Variants in ZFYVE21 observed in about 807,000 individuals in gnomAD.
ZFYVE21 encodes zinc finger FYVE-type containing 21.
In ZFYVE21, 21 loss-of-function variants were observed where a neutral mutation model predicts 29.5. The observed-to-expected ratio is 0.71, with a 90% CI of 0.50 to 1.02. The LOEUF is 1.02. ZFYVE21 is among the 50% of genes least tolerant of loss of function. ZFYVE21 has a pLI of 0.00. For missense variants in ZFYVE21, 326 were observed against 335.4 expected, an observed-to-expected ratio of 0.97 and a Z score of 0.22; for synonymous variants, 151 against 133.8, an observed-to-expected ratio of 1.13 and a Z score of -0.89.
In ZFYVE21 at chr14:103,727,776, T is replaced by G. The variant is rs1437073530; in HGVS notation, c.220T>G (p.Cys74Gly). 1.2e-6 allele frequency: 2 copies of G among 1,611,056 alleles called. No homozygotes were observed. Reference sequence around the variant, plus strand: ...CTGTCGCCGCTGCGGGAAGTGCTTCTGCGACAGGTGCTGCAGCCAGAAGGT... The same window carrying G: ...CTGTCGCCGCTGCGGGAAGTGCTTCGGCGACAGGTGCTGCAGCCAGAAGGT... ...HHCRRCGKCF[C>G]DRCCSQKVPL... The change falls in exon 3 of 7, where the codon TGC becomes GGC. Residue 74 changes from cysteine to glycine, a missense_variant. Coordinates refer to ENST00000311141, the MANE Select transcript of ZFYVE21 (RefSeq NM_024071.4).
intron 1 of ZFYVE21, chr14:103,725,003 C>A (rs1207344341): frequency 6.6e-6 from 1 of 152,270 alleles, no homozygotes; most frequent in African/African-American, 2.4e-5. Context: ...TACCGGCTTA[C>A]CAAATCCGGG....
chr14:103,731,468 G>A (rs1252895032), intron 5 of ZFYVE21: 22 of 151,548 alleles, frequency 1.5e-4, no homozygotes, highest in Admixed American at 1.2e-3. Context: ...AAATAGCTGG[G>A]CGTAGAGGTA....
At chr14:103,728,886 C>T (rs1389068071) in intron 3 of ZFYVE21, 22 bp from the exon 4 acceptor site, 14 of 1,613,288 alleles carry the variant, frequency 8.7e-6, no homozygotes, top group East Asian at 2.2e-5. Flanking sequence ...CCTGTTCTCA[C>T]GTTTGCTTTT....
intron 1 of ZFYVE21, among the ~76,000 whole-genome samples, chr14:103,721,217 C>T (rs1395413072): frequency 6.6e-6 from 1 of 152,206 alleles, no homozygotes; most frequent in East Asian, 1.9e-4. Context: ...AGCATGTCAT[C>T]TGGCAGGGTG....
intron 2 of ZFYVE21, chr14:103,727,326 G>C (rs985013618): frequency 1.6e-5 from 6 of 372,444 alleles, no homozygotes; most frequent in African/African-American, 1.3e-4. Context: ...GCTATGGGGT[G>C]GGGGTGCAGC....
intron 5 of ZFYVE21, 137 bp downstream of exon 5, chr14:103,729,319 T>A: frequency 1.2e-6 from 1 of 837,868 alleles, no homozygotes; most frequent in Non-Finnish European, 1.8e-6. Context: ...AATCTGCCTT[T>A]CCTCTTTCGC....
intron 5 of ZFYVE21, chr14:103,731,866 T>TC (rs2083979302): frequency 6.6e-6 from 1 of 152,190 alleles, no homozygotes; most frequent in Non-Finnish European, 1.5e-5. Context: ...TGGGTCTCTT[T>TC]CAACACCAGC....
Position 103,733,117 on chromosome 14 carries a change from C to A in ZFYVE21, c.*99C>A. 6.6e-7 allele frequency: 1 copy of A among 1,515,072 alleles called. No individual in the cohort carries two copies. Among genetic ancestry groups the A allele is most frequent in the African/African-American group, 1.4e-5 (1 of 72,712 alleles). 93.9% of individuals were successfully genotyped at this position (1,515,072 alleles called of 1,614,324 possible). A position where few individuals can be genotyped will look rare whatever the true frequency, so the allele number is the denominator to read the frequency against. On this transcript the variant is annotated 3_prime_UTR_variant, in exon 7 of 7. Transcript: ENST00000311141. The stretch of plus-strand genomic sequence containing the variant: ...TTGCGTACCACAGGGATTAATCCTG[C>A]TTGTGCTGGGAAATGCAACTCACTC...
At chr14:103,729,926 G>A (rs1353077702) in intron 5 of ZFYVE21, 3 of 1,477,236 alleles carry the variant, frequency 2.0e-6, no homozygotes, top group African/African-American at 1.4e-5. Context: ...TCTGTCCACG[G>A]GGTGGTCCAT....
At chr14:103,726,685 G>A (rs2083927661) in intron 1 of ZFYVE21, 107 bp from the exon 2 acceptor site, 2 of 1,380,710 alleles carry the variant, frequency 1.4e-6, no homozygotes, top group Non-Finnish European at 2.0e-6. Context: ...CTGCTTGGGT[G>A]CGTGGGGAGG....
At chr14:103,720,122 A>G (rs1595688010) in intron 1 of ZFYVE21, among the ~76,000 whole-genome samples, 1 of 151,968 alleles carries the variant, frequency 6.6e-6, no homozygotes, top group East Asian at 2.0e-4. Flanking sequence ...CCTCTCTCAC[A>G]CACCCCACCG....
At chr14:103,731,775 A>AG (rs1280421017) in intron 5 of ZFYVE21, 3 of 152,200 alleles carry the variant, frequency 2.0e-5, no homozygotes, top group Non-Finnish European at 4.4e-5. Context: ...TGTCTGATGG[A>AG]GGGGTCTCCT....
At position 103,716,118 on chromosome 14, in the gene ZFYVE21, C is replaced by T; in HGVS notation, c.138+139C>T. On this transcript the variant is annotated intron_variant, in intron 1 of 6. Transcript: ENST00000311141. The surrounding 1 kb of genome is among the most constrained non-coding windows in gnomAD (Gnocchi z 4.8). ...CAGCCGGCCCCCGCCCCCGCTCTCTCCCAGGTTGGCCGCGTCCCCGGGCCG... is the reference window on the plus strand; with the variant it reads ...CAGCCGGCCCCCGCCCCCGCTCTCTTCCAGGTTGGCCGCGTCCCCGGGCCG... The T allele has an allele frequency of 2.3e-6, 2 of 887,522 alleles. No homozygotes were observed. Among genetic ancestry groups the T allele is most frequent in the Non-Finnish European group, 2.8e-6 (2 of 707,414 alleles). The allele number at this position is 887,522 out of a possible 1,614,324, so 55.0% of individuals were successfully genotyped here. A position where few individuals can be genotyped will look rare whatever the true frequency, so the allele number is the denominator to read the frequency against.
chr14:103,730,159 T>C, intron 5 of ZFYVE21: 2 of 360,122 alleles, frequency 5.6e-6, no homozygotes, highest in Non-Finnish European at 1.0e-5. Flanking sequence ...TCACCTGCCC[T>C]TGGGAGCCTC....
chr14:103,726,907 G>C, intron 2 of ZFYVE21, 65 bp downstream of exon 2: 1 of 1,562,818 alleles, frequency 6.4e-7, no homozygotes, highest in African/African-American at 1.4e-5. Flanking sequence ...GACAGCTGCC[G>C]CTGCCCCTTC....
intron 1 of ZFYVE21, chr14:103,725,832 C>A (rs2083918441): frequency 6.6e-6 from 1 of 152,308 alleles, no homozygotes; most frequent in Admixed American, 6.5e-5. Context: ...GACCAAGCAT[C>A]TGAGGTGCCG....
intron 5 of ZFYVE21, chr14:103,729,536 G>A (rs2083956530): frequency 1.7e-6 from 1 of 584,584 alleles, no homozygotes; most frequent in South Asian, 2.2e-5. Context: ...GGTCTGAATG[G>A]TGGCTCATCG....
At chr14:103,723,036 C>T (rs1456874179) in intron 1 of ZFYVE21, among the ~76,000 whole-genome samples, 2 of 152,196 alleles carry the variant, frequency 1.3e-5, no homozygotes, top group Admixed American at 6.5e-5. Flanking sequence ...CTTTCACCAC[C>T]GTCTGCTGAG....
intron 3 of ZFYVE21, among the ~76,000 whole-genome samples, chr14:103,728,513 C>A (rs141193408): frequency 6.6e-6 from 1 of 152,310 alleles, no homozygotes; most frequent in South Asian, 2.1e-4. Context: ...CGGGCATGGT[C>A]CCTGGCTGGA....
Sources: allele counts gnomAD v4.1 joint callset (sites outside exome capture counted in the v4.1 genomes callset), GRCh38; gene constraint gnomAD v4.1.1; non-coding constraint Gnocchi (gnomAD v3.1); transcripts MANE v1.5; gene names NCBI Gene and HGNC (gene_info 2026-07-23, HGNC 2026-07-21).